GRIK2: variants seen among roughly 807,000 people sequenced by gnomAD.
GRIK2 encodes the protein glutamate ionotropic receptor kainate type subunit 2.
GRIK2 carries 32 observed loss-of-function variants against 100.3 expected under a neutral mutation model. That is an observed-to-expected ratio of 0.32 (90% confidence interval 0.24 to 0.43). The LOEUF (loss-of-function observed/expected upper bound fraction) is 0.43. GRIK2 is among the 20% of genes least tolerant of loss of function. The pLI, the probability that GRIK2 is intolerant of heterozygous loss-of-function variation, is 1.00. For synonymous variants in GRIK2, 417 were observed against 389.4 expected (o/e 1.07, Z -0.83); for missense variants, 843 against 1,114.9 (o/e 0.76, Z 3.47).
intron 4 of GRIK2, among the ~76,000 whole-genome samples, chr6:101,638,743 G>A (rs1475413443): frequency 6.6e-6 from 1 of 151,904 alleles, no homozygotes; most frequent in African/African-American, 2.4e-5. Context: ...TTTCATTACT[G>A]TTTTAGTAAC....
intron 2 of GRIK2, among the ~76,000 whole-genome samples, chr6:101,566,960 T>C (rs1278172290): frequency 6.6e-6 from 1 of 150,738 alleles, no homozygotes; most frequent in Non-Finnish European, 1.5e-5. Context: ...TAATAGACAT[T>C]TATATATGTA....
chr6:101,969,458 T>G (rs1027935440), intron 14 of GRIK2, among the ~76,000 whole-genome samples: 1 of 152,140 alleles, frequency 6.6e-6, no homozygotes, highest in Middle Eastern at 3.4e-3. Context: ...TTTCACTTGT[T>G]ATTTTTTAAG....
intron 2 of GRIK2, among the ~76,000 whole-genome samples, chr6:101,548,455 T>A (rs1776354286): frequency 6.6e-6 from 1 of 152,196 alleles, no homozygotes; most frequent in South Asian, 2.1e-4. Flanking sequence ...TGGTTTTAGG[T>A]CTAACGTTTA....
At chr6:101,594,657 G>A (rs1778823806) in intron 2 of GRIK2, among the ~76,000 whole-genome samples, 1 of 151,660 alleles carries the variant, frequency 6.6e-6, no homozygotes, top group South Asian at 2.1e-4. Flanking sequence ...AAACAAAATT[G>A]GTGACAAGTT....
intron 7 of GRIK2, among the ~76,000 whole-genome samples, chr6:101,742,792 CT>C (rs1350499440): frequency 1.3e-5 from 2 of 152,054 alleles, no homozygotes; most frequent in Non-Finnish European, 2.9e-5. Flanking sequence ...AGAGAATAGG[CT>C]GTAAAATGTT....
At chr6:101,889,425 T>C (rs892432607) in intron 11 of GRIK2, among the ~76,000 whole-genome samples, 1 of 151,904 alleles carries the variant, frequency 6.6e-6, no homozygotes, top group African/African-American at 2.4e-5. Flanking sequence ...TTTGCTAATC[T>C]AGAAGAACAT....
intron 2 of GRIK2, among the ~76,000 whole-genome samples, chr6:101,484,210 T>A (rs1265761615): frequency 6.6e-6 from 1 of 152,178 alleles, no homozygotes; most frequent in East Asian, 1.9e-4. Context: ...TGATAGCACA[T>A]ATGAATAATT....
At chr6:101,887,552 A>C (rs1157872803) in intron 11 of GRIK2, among the ~76,000 whole-genome samples, 1 of 152,124 alleles carries the variant, frequency 6.6e-6, no homozygotes, top group Non-Finnish European at 1.5e-5. Context: ...GTCCATTCTC[A>C]CACTGCTATA....
At chr6:101,733,445 T>C (rs1272587486) in intron 7 of GRIK2, among the ~76,000 whole-genome samples, 5 of 152,174 alleles carry the variant, frequency 3.3e-5, no homozygotes, top group African/African-American at 9.7e-5. Context: ...TCATTCTGTC[T>C]TTTTTACTAT....
At chr6:101,729,092 T>C (rs1775075935) in intron 7 of GRIK2, among the ~76,000 whole-genome samples, 1 of 152,030 alleles carries the variant, frequency 6.6e-6, no homozygotes, top group Non-Finnish European at 1.5e-5. Context: ...TTCTCTTCAT[T>C]GTCCTGCTGA....
intron 7 of GRIK2, among the ~76,000 whole-genome samples, chr6:101,737,016 C>T (rs899758174): frequency 1.3e-5 from 2 of 152,120 alleles, no homozygotes; most frequent in East Asian, 1.9e-4. Flanking sequence ...GGGCAAAATG[C>T]CACCAGTCTC....
At chr6:102,042,316 ACT>A (rs1491572301) in intron 15 of GRIK2, among the ~76,000 whole-genome samples, 3 of 151,626 alleles carry the variant, frequency 2.0e-5, no homozygotes, top group South Asian at 2.1e-4. Context: ...GAATTTCATT[ACT>A]CTTTCTTTCC....
intron 14 of GRIK2, among the ~76,000 whole-genome samples, chr6:101,962,575 T>C (rs1340452021): frequency 6.6e-6 from 1 of 152,162 alleles, no homozygotes; most frequent in Admixed American, 6.5e-5. Flanking sequence ...AGTCTTCTAT[T>C]TCCTAATAGA....
chr6:101,501,612 G>A (rs1171526871), intron 2 of GRIK2, among the ~76,000 whole-genome samples: 1 of 152,154 alleles, frequency 6.6e-6, no homozygotes, highest in Non-Finnish European at 1.5e-5. Context: ...TACAGGTTCT[G>A]CATCTGGCTT....
chr6:101,974,088 A>G (rs995366076), intron 14 of GRIK2, among the ~76,000 whole-genome samples: 1 of 151,996 alleles, frequency 6.6e-6, no homozygotes, highest in African/African-American at 2.4e-5. Context: ...TTAATAATAG[A>G]GTCTCTACTA....
rs117168434 is a variant in GRIK2 at position 101,736,467 on chromosome 6, C to T, written c.951+50114C>T. Among the ~76,000 whole-genome samples the T allele has an allele frequency of 9.9e-3, 1,513 of 152,288 alleles. 10 individuals carry two copies. The highest frequency in any genetic ancestry group is 0.022 in the Admixed American group (337 of 15,296). ...GAAATCTAGGCAGAGGTTCCCAAACCGCATTTCCTGACTTCTGTGCACTCA... is the reference window on the plus strand; with the variant it reads ...GAAATCTAGGCAGAGGTTCCCAAACTGCATTTCCTGACTTCTGTGCACTCA... On this transcript the variant is annotated intron_variant, in intron 7 of 16. Coordinates refer to ENST00000369134, the MANE Select transcript of GRIK2 (RefSeq NM_021956.5).
chr6:101,479,549 G>A (rs2128260346), intron 2 of GRIK2, among the ~76,000 whole-genome samples: 1 of 152,112 alleles, frequency 6.6e-6, no homozygotes, highest in Admixed American at 6.5e-5. Flanking sequence ...GTATTTTTGA[G>A]TTTTCTAAAA....
chr6:101,492,512 GTTA>G (rs1332175734), intron 2 of GRIK2, among the ~76,000 whole-genome samples: 1 of 151,674 alleles, frequency 6.6e-6, no homozygotes, highest in African/African-American at 2.4e-5. Flanking sequence ...ATAAATTAAT[GTTA>G]TTATTCTTTT....
At chr6:101,865,658 G>A (rs144296082) in intron 11 of GRIK2, among the ~76,000 whole-genome samples, 2 of 152,146 alleles carry the variant, frequency 1.3e-5, no homozygotes, top group African/African-American at 2.4e-5. Context: ...TGGCCAAGGT[G>A]GGCAGATCAC....
Sources: allele counts gnomAD v4.1 joint callset (sites outside exome capture counted in the v4.1 genomes callset), GRCh38; gene constraint gnomAD v4.1.1; transcripts MANE v1.5; gene names NCBI Gene and HGNC (gene_info 2026-07-23, HGNC 2026-07-21).